C9orf43: variants seen among roughly 807,000 people sequenced by gnomAD.
C9orf43 encodes chromosome 9 open reading frame 43.
A neutral mutation model predicts 59.1 loss-of-function variants in C9orf43; 45 were observed. The ratio of observed to expected loss-of-function variants is 0.76; its 90% CI spans 0.60 to 0.98. C9orf43 has a LOEUF of 0.98. C9orf43 is among the 50% of genes least tolerant of loss of function. The pLI is 0.00. For synonymous variants in C9orf43, 203 were observed against 196.8 expected (o/e 1.03, Z -0.26); for missense variants, 533 against 554.9 (o/e 0.96, Z 0.40).
chr9:113,429,240 G>T lies in C9orf43; in HGVS notation c.1240G>T (p.Ala414Ser). ...ISAPVDAVPE[A>S]QAARQKKISF... ...TGCTCCAGTGGACGCTGTGCCAGAA[G>T]CCCAGGCTGCCAGGCAAAAGAAGAT... The change falls in exon 14 of 14, where the codon GCC becomes TCC. Residue 414 changes from alanine (A) to serine (S), a missense_variant. Physicochemically the swap from Ala to Ser is moderately conservative, Grantham distance 99 (BLOSUM62 1). Coordinates refer to ENST00000374165, the MANE Select transcript of C9orf43 (RefSeq NM_001278629.2). 6.2e-7 allele frequency: 1 copy of T among 1,614,264 alleles called. No homozygotes were observed. Among genetic ancestry groups the T allele is most frequent in the Non-Finnish European group, 8.5e-7 (1 of 1,180,040 alleles).
Position 113,428,066 on chromosome 9 carries a change from G to A in C9orf43, c.1031-81G>A. 2.2e-6 allele frequency: 3 copies of A among 1,380,564 alleles called. No individual in the cohort carries two copies. In the South Asian group the frequency reaches 3.5e-5, roughly 16 times the overall value. The allele number at this position is 1,380,564 out of a possible 1,614,324, so 85.5% of individuals were successfully genotyped here. On this transcript the variant is annotated intron_variant, in intron 11 of 13. Coordinates refer to ENST00000374165, the MANE Select transcript of C9orf43 (RefSeq NM_001278629.2). ...TTTCCTGGATGCAGAGTCACTTGTAGACTAGGGGTCACCTAGAAGCCCCCA... is the reference window on the plus strand; with the variant it reads ...TTTCCTGGATGCAGAGTCACTTGTAAACTAGGGGTCACCTAGAAGCCCCCA...
Position 113,410,957 on chromosome 9 carries a change from A to G in C9orf43, c.-94A>G, listed in dbSNP as rs1828114079. On this transcript the variant is annotated 5_prime_UTR_variant, in exon 1 of 14. The change abolishes an upstream ATG in the 5' untranslated region. Coordinates refer to ENST00000374165, the MANE Select transcript of C9orf43 (RefSeq NM_001278629.2). ...TCTTTTTCCATCTCTACCGAAGTTGATGTTCATTTTTAATCTTTTCGCCCC... is the reference window on the plus strand; with the variant it reads ...TCTTTTTCCATCTCTACCGAAGTTGGTGTTCATTTTTAATCTTTTCGCCCC... The G allele has an allele frequency of 2.0e-6, 2 of 986,038 alleles. No individual in the cohort carries two copies. The highest frequency in any genetic ancestry group is 2.4e-6 in the Non-Finnish European group (2 of 830,472). The allele number at this position is 986,038 out of a possible 1,614,324, so 61.1% of individuals were successfully genotyped here.
intron 3 of C9orf43, among the ~76,000 whole-genome samples, chr9:113,416,754 C>T (rs1828374234): frequency 6.6e-6 from 1 of 151,628 alleles, no homozygotes; most frequent in South Asian, 2.1e-4. Context: ...ATTCTTTGTC[C>T]TTTGGGGCTG....
In C9orf43 at chr9:113,421,169, T is replaced by C. The variant is rs761975001; in HGVS notation, c.412T>C (p.Leu138=). ...TGAAGATGTTAGAAATATGGTTGTA[T>C]TGTGGATCCCAGAAGAAACAGAGAT... ...CPEDVRNMVV[L]WIPEETEIHV... Residue 138 remains leucine, a synonymous_variant, in exon 5 of 14, where the codon TTG becomes CTG. Coordinates refer to ENST00000374165, the MANE Select transcript of C9orf43 (RefSeq NM_001278629.2). 16 of 1,613,568 alleles carry C rather than the reference T, an allele frequency of 9.9e-6. No homozygotes were observed. Among genetic ancestry groups the C allele is most frequent in the Non-Finnish European group, 1.4e-5 (16 of 1,179,590 alleles).
intron 8 of C9orf43, 51 bp downstream of exon 8, chr9:113,424,367 A>G (rs376222703): frequency 2.6e-6 from 4 of 1,537,906 alleles, no homozygotes; most frequent in South Asian, 2.5e-5. Context: ...ATTCAAACCC[A>G]TCTCTCCTCA....
chr9:113,428,627 A>G (rs888071671), intron 12 of C9orf43, among the ~76,000 whole-genome samples: 6 of 152,204 alleles, frequency 3.9e-5, no homozygotes, highest in African/African-American at 1.2e-4. Flanking sequence ...GAGGAACAGC[A>G]TGTGCATACC....
At chr9:113,421,075 A>C (rs1162943180) in intron 4 of C9orf43, 28 bp from the exon 5 acceptor site, 1 of 1,549,344 alleles carries the variant, frequency 6.5e-7, no homozygotes. Flanking sequence ...ACCTCAAGCC[A>C]TACATAGGCT....
chr9:113,416,101 G>T (rs1278611100), intron 3 of C9orf43, among the ~76,000 whole-genome samples: 2 of 152,212 alleles, frequency 1.3e-5, no homozygotes, highest in Admixed American at 6.5e-5. Context: ...CCTTCAGTGT[G>T]TCTTGCTTTC....
chr9:113,416,764 G>C (rs1413285808), intron 3 of C9orf43, among the ~76,000 whole-genome samples: 1 of 151,696 alleles, frequency 6.6e-6, no homozygotes, highest in Non-Finnish European at 1.5e-5. Context: ...CTTTGGGGCT[G>C]TCTTATTTTA....
chr9:113,426,310 T>TC (rs1414371924), intron 11 of C9orf43, among the ~76,000 whole-genome samples: 10 of 152,148 alleles, frequency 6.6e-5, no homozygotes. Context: ...AATGGACATC[T>TC]CCCCTTTTTG....
Position 113,413,643 on chromosome 9 carries a change from A to G in C9orf43, c.150A>G (p.Glu50=). The part of the protein sequence containing the change: ...GSSCKTPLDA[E]DKLPVLTVVD... The stretch of plus-strand genomic sequence containing the variant: ...CCTGCAAAACTCCCCTGGATGCTGA[A>G]GGTGAATTAGCCAGCTTCTGTCCTC... The change falls in exon 2 of 14, where the codon GAA becomes GAG. Residue 50 remains glutamate (E), a splice_region_variant and synonymous_variant. Coordinates refer to ENST00000374165, the MANE Select transcript of C9orf43 (RefSeq NM_001278629.2). 3 of 1,614,086 alleles carry G rather than the reference A, an allele frequency of 1.9e-6. No homozygotes were observed. The highest frequency in any genetic ancestry group is 2.5e-6 in the Non-Finnish European group (3 of 1,179,936).
chr9:113,425,327 G>A lies in C9orf43; in HGVS notation c.866-17G>A. 3 of 1,613,748 alleles carry A rather than the reference G, an allele frequency of 1.9e-6. No individual in the cohort carries two copies. The highest frequency in any genetic ancestry group is 2.5e-6 in the Non-Finnish European group (3 of 1,179,942). The stretch of plus-strand genomic sequence containing the variant: ...GGGGCTGTTAGAAGAGGATCAAGCT[G>A]GCTCTCTGGTCACCAGGTTACAGGA... On this transcript the variant is annotated splice_polypyrimidine_tract_variant and intron_variant, in intron 9 of 13. Transcript: ENST00000374165.
chr9:113,426,619 C>T (rs1407478741), intron 11 of C9orf43, among the ~76,000 whole-genome samples: 1 of 152,168 alleles, frequency 6.6e-6, no homozygotes, highest in Non-Finnish European at 1.5e-5. Context: ...TCTGCTCTAA[C>T]CTGAAGGTTG....
intron 4 of C9orf43, 34 bp downstream of exon 4, chr9:113,419,199 AT>A: frequency 1.3e-6 from 2 of 1,520,910 alleles, no homozygotes; most frequent in Non-Finnish European, 9.0e-7. Flanking sequence ...CTTCTTCAAC[AT>A]TTTTTCTTTA....
At chr9:113,424,348 T>G (rs1828702148) in intron 8 of C9orf43, 32 bp downstream of exon 8, 1 of 1,569,480 alleles carries the variant, frequency 6.4e-7, no homozygotes, top group African/African-American at 1.4e-5. Flanking sequence ...GGAAGAAGCC[T>G]ATGTGAAAAT....
chr9:113,418,378 A>G (rs1173328092), intron 3 of C9orf43, among the ~76,000 whole-genome samples: 2 of 152,172 alleles, frequency 1.3e-5, no homozygotes, highest in Non-Finnish European at 2.9e-5. Flanking sequence ...GTGTTGTAGT[A>G]TATACTGTAG....
intron 13 of C9orf43, 77 bp from the exon 14 acceptor site, chr9:113,429,094 AT>A: frequency 6.5e-7 from 1 of 1,539,464 alleles, no homozygotes; most frequent in Admixed American, 1.7e-5. Flanking sequence ...AAAACACCCC[AT>A]TTTTCCTTTT....
intron 3 of C9orf43, among the ~76,000 whole-genome samples, chr9:113,416,443 A>G (rs1244680045): frequency 6.6e-6 from 1 of 152,090 alleles, no homozygotes; most frequent in Non-Finnish European, 1.5e-5. Flanking sequence ...TCTGTCATGC[A>G]GTTTCCTAAA....
chr9:113,422,515 ATGTTT>A (rs749623121), intron 5 of C9orf43, 29 bp from the exon 6 acceptor site: 117 of 1,608,342 alleles, frequency 7.3e-5, no homozygotes, highest in East Asian at 8.9e-5. Flanking sequence ...GCTGAGAAGC[ATGTTT>A]TGTTTTGTTT....
Sources: gnomAD v4.1 joint callset for allele counts (sites outside exome capture counted in the v4.1 genomes callset) on GRCh38, gnomAD v4.1.1 for gene constraint, MANE v1.5 for transcripts, NCBI Gene and HGNC (gene_info 2026-07-23, HGNC 2026-07-21) for gene names.